Variants in SPRED2 observed in about 807,000 individuals in gnomAD.
SPRED2 encodes the protein sprouty related EVH1 domain containing 2, also known as sprouty-related, EVH1 domain-containing protein 2.
In SPRED2, 47 loss-of-function variants were observed where a neutral mutation model predicts 43.0. The observed-to-expected ratio is 1.09, with a 90% CI of 0.87 to 1.40. The LOEUF is 1.40. Among genes scored for constraint, SPRED2 ranks in the 40% most tolerant of loss-of-function variants. The pLI is 0.00. For synonymous variants in SPRED2, 225 were observed against 225.7 expected, an observed-to-expected ratio of 1.00 and a Z score of 0.03; for missense variants, 561 against 586.4, an observed-to-expected ratio of 0.96 and a Z score of 0.45.
intron 1 of SPRED2, among the ~76,000 whole-genome samples, chr2:65,429,354 C>T (rs1218160872): frequency 1.3e-5 from 2 of 152,188 alleles, no homozygotes; most frequent in Non-Finnish European, 2.9e-5. Context: ...CAAACCCTGC[C>T]TGGTTCCAAA....
intron 1 of SPRED2, among the ~76,000 whole-genome samples, chr2:65,394,723 T>C (rs2103698142): frequency 6.6e-6 from 1 of 152,270 alleles, no homozygotes; most frequent in Non-Finnish European, 1.5e-5. Context: ...GGGTTTTGCT[T>C]ACTATTTCTA....
chr2:65,372,539 A>G (rs972320900), intron 1 of SPRED2, among the ~76,000 whole-genome samples: 1 of 152,146 alleles, frequency 6.6e-6, no homozygotes, highest in African/African-American at 2.4e-5. Context: ...GCCTGGCAAA[A>G]GAGTGTTGAG....
At chr2:65,318,596 A>G (rs550466368) in intron 4 of SPRED2, among the ~76,000 whole-genome samples, 2 of 152,216 alleles carry the variant, frequency 1.3e-5, no homozygotes, top group East Asian at 3.9e-4. Flanking sequence ...GCAAATCTAC[A>G]GGAACTTTCC....
chr2:65,427,446 CT>C (rs1482448121), intron 1 of SPRED2, among the ~76,000 whole-genome samples: 5 of 152,194 alleles, frequency 3.3e-5, no homozygotes, highest in African/African-American at 7.2e-5. Flanking sequence ...ACCATACCCC[CT>C]GGTAGAAACA....
At chr2:65,359,036 C>T (rs1218666193) in intron 1 of SPRED2, among the ~76,000 whole-genome samples, 1 of 152,162 alleles carries the variant, frequency 6.6e-6, no homozygotes, top group African/African-American at 2.4e-5. Flanking sequence ...TAAAAGGATC[C>T]GTACTGATGT....
chr2:65,384,821 A>G (rs919142756), intron 1 of SPRED2, among the ~76,000 whole-genome samples: 1 of 152,112 alleles, frequency 6.6e-6, no homozygotes, highest in Non-Finnish European at 1.5e-5. Context: ...TCTCTCATGC[A>G]CACCTCGATT....
intron 1 of SPRED2, among the ~76,000 whole-genome samples, chr2:65,395,159 T>G (rs1278506551): frequency 6.6e-6 from 1 of 152,160 alleles, no homozygotes; most frequent in East Asian, 1.9e-4. Flanking sequence ...CGGATCTAAG[T>G]GTTCCACGAT....
intron 4 of SPRED2, among the ~76,000 whole-genome samples, chr2:65,325,896 T>A (rs1222152447): frequency 6.6e-6 from 1 of 151,906 alleles, no homozygotes; most frequent in East Asian, 1.9e-4. Flanking sequence ...GGCAGGAGAA[T>A]CACTTGAACC....
chr2:65,391,884 G>A (rs1281324236), intron 1 of SPRED2, among the ~76,000 whole-genome samples: 2 of 152,078 alleles, frequency 1.3e-5, no homozygotes, highest in African/African-American at 4.8e-5. Context: ...CTGCTATTAT[G>A]TTTTCATTGC....
intron 1 of SPRED2, among the ~76,000 whole-genome samples, chr2:65,417,329 C>A (rs1476636016): frequency 6.6e-6 from 1 of 152,146 alleles, no homozygotes; most frequent in Non-Finnish European, 1.5e-5. Context: ...ATCTAAGGAC[C>A]CACCTTCTCT....
chr2:65,349,034 C>T (rs1388061378), intron 1 of SPRED2, among the ~76,000 whole-genome samples: 1 of 151,450 alleles, frequency 6.6e-6, no homozygotes, highest in Non-Finnish European at 1.5e-5. Flanking sequence ...CTGGGCTGGG[C>T]GCAGTGGCTC....
At chr2:65,381,121 CTCTT>C (rs1675363810) in intron 1 of SPRED2, among the ~76,000 whole-genome samples, 1 of 152,164 alleles carries the variant, frequency 6.6e-6, no homozygotes, top group Admixed American at 6.5e-5. Flanking sequence ...AGACACATGG[CTCTT>C]TCTTACCCCT....
At position 65,383,554 on chromosome 2, in the gene SPRED2, C is replaced by T. The variant is rs117631713; in HGVS notation, c.27-38658G>A. 4.8e-4 allele frequency among the ~76,000 whole-genome samples: 73 copies of T among 152,282 alleles called. 1 individual carries two copies. In the East Asian group the frequency reaches 0.012, roughly 26 times the overall value. ...TCACATGGAGGAGGGAGGCTGAGTG[C>T]CCATCAAAACCCACCAAAGGCCGCT... On this transcript the variant is annotated intron_variant, in intron 1 of 5. Transcript: ENST00000356388.
chr2:65,316,028 T>A (rs1035907103), intron 5 of SPRED2, among the ~76,000 whole-genome samples: 10 of 152,354 alleles, frequency 6.6e-5, no homozygotes, highest in South Asian at 2.1e-4. Context: ...ATAATTTTTT[T>A]AAAAAGAGTC....
intron 1 of SPRED2, among the ~76,000 whole-genome samples, chr2:65,369,077 A>AT (rs1289051995): frequency 1.4e-5 from 1 of 73,442 alleles, no homozygotes; most frequent in Non-Finnish European, 3.5e-5. Context: ...ACCATGTCTC[A>AT]AAAAAAAATG....
At chr2:65,418,196 T>C (rs1015992753) in intron 1 of SPRED2, among the ~76,000 whole-genome samples, 1 of 152,230 alleles carries the variant, frequency 6.6e-6, no homozygotes, top group Non-Finnish European at 1.5e-5. Context: ...TATCACTTCA[T>C]CGTCTCTTTG....
At chr2:65,333,722 A>G (rs1325733965) in intron 3 of SPRED2, among the ~76,000 whole-genome samples, 4 of 152,096 alleles carry the variant, frequency 2.6e-5, no homozygotes, top group South Asian at 2.1e-4. Flanking sequence ...TTGTTTATGG[A>G]TTCATGTTCT....
At chr2:65,353,154 G>T (rs1442171303) in intron 1 of SPRED2, among the ~76,000 whole-genome samples, 1 of 152,114 alleles carries the variant, frequency 6.6e-6, no homozygotes, top group Admixed American at 6.5e-5. Flanking sequence ...AGCCTCAGAG[G>T]GGGTATAAAT....
intron 1 of SPRED2, chr2:65,373,996 C>T (rs557980325): frequency 1.1e-4 from 16 of 152,220 alleles, no homozygotes; most frequent in Non-Finnish European, 2.4e-4. Flanking sequence ...TCTAGGCAGA[C>T]GAATGTAAGA....
Sources: gnomAD v4.1 joint callset for allele counts (sites outside exome capture counted in the v4.1 genomes callset) on GRCh38, gnomAD v4.1.1 for gene constraint, MANE v1.5 for transcripts, NCBI Gene and HGNC (gene_info 2026-07-23, HGNC 2026-07-21) for gene names.